KCNIP3: variants seen among roughly 807,000 people sequenced by gnomAD.
KCNIP3 encodes the protein potassium voltage-gated channel interacting protein 3.
A neutral mutation model predicts 35.0 loss-of-function variants in KCNIP3; 28 were observed. The ratio of observed to expected loss-of-function variants is 0.80; its 90% CI spans 0.59 to 1.10. The LOEUF (loss-of-function observed/expected upper bound fraction) is 1.10. Among genes scored for constraint, KCNIP3 ranks in the 50% least tolerant of loss-of-function variants. The pLI, the probability that KCNIP3 is intolerant of heterozygous loss-of-function variation, is 0.00. For missense variants in KCNIP3, 295 were observed against 338.4 expected, an observed-to-expected ratio of 0.87 and a Z score of 1.01; for synonymous variants, 134 against 133.8, an observed-to-expected ratio of 1.00 and a Z score of -0.01.
chr2:95,385,653 A>G lies in KCNIP3; in HGVS notation c.*1604A>G, dbSNP rs1348839229. On this transcript the variant is annotated 3_prime_UTR_variant, in exon 9 of 9. Transcript: ENST00000295225. ...GAGGAAAGGCAGTATGGCGGAGGCCATGGGGGCCCCTCGGCATTCACACAC... is the reference window on the plus strand; with the variant it reads ...GAGGAAAGGCAGTATGGCGGAGGCCGTGGGGGCCCCTCGGCATTCACACAC... 6.5e-6 allele frequency: 1 copy of G among 152,832 alleles called. No homozygotes were observed. The highest frequency in any genetic ancestry group is 1.5e-5 in the Non-Finnish European group (1 of 68,218). 9.5% of individuals were successfully genotyped at this position (152,832 alleles called of 1,614,324 possible).
rs75303189 is a variant in KCNIP3, at chr2:95,316,043, C to T, written c.181+5523C>T. On this transcript the variant is annotated intron_variant, in intron 2 of 8. Coordinates refer to ENST00000295225, the MANE Select transcript of KCNIP3 (RefSeq NM_013434.5). ...GTCTCTCTCACCATCAGGCGCTCCACCCCCACAGCAGCCCAGCAGTGGGAA... is the reference window on the plus strand; with the variant it reads ...GTCTCTCTCACCATCAGGCGCTCCATCCCCACAGCAGCCCAGCAGTGGGAA... Among the ~76,000 whole-genome samples the T allele has an allele frequency of 2.4e-3, 366 of 152,354 alleles. 20 individuals are homozygous for T. In the East Asian group the frequency reaches 0.066, roughly 27 times the overall value.
chr2:95,301,093 T>C (rs1678015777), intron 1 of KCNIP3, among the ~76,000 whole-genome samples: 1 of 150,850 alleles, frequency 6.6e-6, no homozygotes, highest in Non-Finnish European at 1.5e-5. Context: ...CGTGGGATCC[T>C]CTCTCAAGAT....
At chr2:95,362,561 A>G (rs764689317) in intron 2 of KCNIP3, among the ~76,000 whole-genome samples, 5 of 152,204 alleles carry the variant, frequency 3.3e-5, no homozygotes, top group African/African-American at 4.8e-5. Context: ...ACACAGTTCA[A>G]TCCTATGCAC....
chr2:95,326,578 C>A (rs1375814309), intron 2 of KCNIP3, among the ~76,000 whole-genome samples: 2 of 152,230 alleles, frequency 1.3e-5, no homozygotes, highest in Non-Finnish European at 2.9e-5. Context: ...TGCTGCACTG[C>A]GGCTGTGCTT....
Position 95,372,946 on chromosome 2 carries a change from G to C in KCNIP3, c.182-1350G>C, listed in dbSNP as rs74711215. Among the ~76,000 whole-genome samples the C allele has an allele frequency of 3.3e-5, 5 of 152,318 alleles. No homozygotes were observed. In the East Asian group the frequency reaches 9.6e-4, roughly 29 times the overall value. On this transcript the variant is annotated intron_variant, in intron 2 of 8. Coordinates refer to ENST00000295225, the MANE Select transcript of KCNIP3 (RefSeq NM_013434.5). ...CAGTGCAGGCTGTCTTTCCCACCAC[G>C]CTCTCGGGAGAGGCCTGGGTATGGA...
chr2:95,337,941 C>T (rs554017807), intron 2 of KCNIP3, among the ~76,000 whole-genome samples: 57 of 152,280 alleles, frequency 3.7e-4, no homozygotes, highest in African/African-American at 1.0e-3. Flanking sequence ...GGCCCAACCA[C>T]GGGGCTACAG....
chr2:95,327,514 TG>T (rs1261119299), intron 2 of KCNIP3, among the ~76,000 whole-genome samples: 1 of 152,164 alleles, frequency 6.6e-6, no homozygotes, highest in African/African-American at 2.4e-5. Flanking sequence ...CAGTGGCTGT[TG>T]TTTTCATTTG....
In KCNIP3 at chr2:95,377,493, T is replaced by C. The variant is rs574801535; in HGVS notation, c.447+2285T>C. Among the ~76,000 whole-genome samples the C allele has an allele frequency of 2.1e-4, 32 of 152,372 alleles. No individual in the cohort carries two copies. The highest frequency in any genetic ancestry group is 3.4e-3 in the Middle Eastern group (1 of 294). ...ACCCTCCTGTGCACTCTTGTGCACC[T>C]TCACCTGGAAGTATGCTGTGTCACT... On this transcript the variant is annotated intron_variant, in intron 5 of 8. Transcript: ENST00000295225. The surrounding 1 kb of genome is among the most constrained non-coding windows in gnomAD (Gnocchi z 4.7).
At chr2:95,311,469 C>T (rs1678316317) in intron 2 of KCNIP3, 1 of 152,216 alleles carries the variant, frequency 6.6e-6, no homozygotes, top group Non-Finnish European at 1.5e-5. Flanking sequence ...TGTGTGATTT[C>T]CAGGGAGCGT....
intron 2 of KCNIP3, among the ~76,000 whole-genome samples, chr2:95,354,469 TG>T (rs1181531098): frequency 1.3e-5 from 2 of 152,200 alleles, no homozygotes; most frequent in Non-Finnish European, 2.9e-5. Context: ...TCCCTCTGGC[TG>T]GGGCGGAGGC....
chr2:95,358,413 G>T (rs1679710713), intron 2 of KCNIP3, among the ~76,000 whole-genome samples: 1 of 152,198 alleles, frequency 6.6e-6, no homozygotes, highest in Admixed American at 6.5e-5. Flanking sequence ...AGCCCTGCTT[G>T]TAGTCTGTCA....
intron 7 of KCNIP3, 126 bp from the exon 8 acceptor site, chr2:95,383,106 A>G: frequency 4.1e-6 from 3 of 737,464 alleles, no homozygotes; most frequent in South Asian, 3.3e-5. Flanking sequence ...GTTAGAGTGG[A>G]GGGAGCCCAC....
At chr2:95,339,270 G>T (rs543043198) in intron 2 of KCNIP3, among the ~76,000 whole-genome samples, 6 of 152,308 alleles carry the variant, frequency 3.9e-5, no homozygotes, top group African/African-American at 1.4e-4. Flanking sequence ...TGACTGATCT[G>T]ATCATCATGC....
intron 2 of KCNIP3, among the ~76,000 whole-genome samples, chr2:95,356,960 T>C (rs922153580): frequency 1.3e-5 from 2 of 152,212 alleles, no homozygotes; most frequent in African/African-American, 4.8e-5. Flanking sequence ...CCGTGCCCTG[T>C]AGGGTCAGGA....
chr2:95,367,129 TA>T (rs1221701247), intron 2 of KCNIP3, among the ~76,000 whole-genome samples: 1 of 151,928 alleles, frequency 6.6e-6, no homozygotes, highest in Non-Finnish European at 1.5e-5. Context: ...AAAAACTAGC[TA>T]GGTGTGGTGG....
chr2:95,325,634 C>A (rs1170519999), intron 2 of KCNIP3, among the ~76,000 whole-genome samples: 1 of 151,934 alleles, frequency 6.6e-6, no homozygotes, highest in Non-Finnish European at 1.5e-5. Context: ...CACTCACACA[C>A]ACACACGCAT....
chr2:95,332,549 AGAG>A (rs1678958396), intron 2 of KCNIP3, among the ~76,000 whole-genome samples: 2 of 152,372 alleles, frequency 1.3e-5, no homozygotes, highest in South Asian at 4.1e-4. Flanking sequence ...GAGGGGACGG[AGAG>A]GAGGAGGTGT....
intron 2 of KCNIP3, among the ~76,000 whole-genome samples, chr2:95,329,038 T>A (rs952053122): frequency 2.6e-5 from 4 of 152,220 alleles, no homozygotes; most frequent in Non-Finnish European, 5.9e-5. Flanking sequence ...TGGCTTGGAC[T>A]GCAGAGACCT....
At position 95,299,043 on chromosome 2, in the gene KCNIP3, C is replaced by T. The variant is rs1273416075; in HGVS notation, c.15+1590C>T. The stretch of plus-strand genomic sequence containing the variant: ...CGGGCCTTAACTGCCAAAGGTCACT[C>T]TGGGAGCTTGGCCACTCCTGCCCCT... On this transcript the variant is annotated intron_variant, in intron 1 of 8. Transcript: ENST00000295225. 4 of 152,452 alleles carry T rather than the reference C, an allele frequency of 2.6e-5. No homozygotes were observed. In the East Asian group the frequency reaches 5.8e-4, roughly 22 times the overall value. 9.4% of individuals were successfully genotyped at this position (152,452 alleles called of 1,614,324 possible).
Sources: gnomAD v4.1 joint callset for allele counts (sites outside exome capture counted in the v4.1 genomes callset) on GRCh38, gnomAD v4.1.1 for gene constraint, Gnocchi (gnomAD v3.1) non-coding constraint, MANE v1.5 for transcripts, NCBI Gene and HGNC (gene_info 2026-07-23, HGNC 2026-07-21) for gene names.